NEK1: variants seen among roughly 807,000 people sequenced by gnomAD.
NEK1 encodes NIMA related kinase 1.
A neutral mutation model predicts 182.1 loss-of-function variants in NEK1; 137 were observed. That is an observed-to-expected ratio of 0.75 (90% confidence interval 0.65 to 0.87). The LOEUF (loss-of-function observed/expected upper bound fraction) is 0.87. Ranked by LOEUF, NEK1 falls within the 40% of genes least tolerant of loss-of-function variation. NEK1 has a pLI of 0.00. For synonymous variants in NEK1, 513 were observed against 492.2 expected, an observed-to-expected ratio of 1.04 and a Z score of -0.56; for missense variants, 1,391 against 1,494.4, an observed-to-expected ratio of 0.93 and a Z score of 1.14.
intron 23 of NEK1, among the ~76,000 whole-genome samples, chr4:169,495,210 T>C (rs1750955153): frequency 6.6e-6 from 1 of 151,492 alleles, no homozygotes; most frequent in Non-Finnish European, 1.5e-5. Context: ...CTTCTAGGGT[T>C]TTTATGGTTT....
chr4:169,470,543 C>T (rs1229103757), intron 26 of NEK1, among the ~76,000 whole-genome samples: 2 of 152,168 alleles, frequency 1.3e-5, no homozygotes, highest in African/African-American at 4.8e-5. Flanking sequence ...TCTTTGGCTG[C>T]CCTTAACATT....
Position 169,589,477 on chromosome 4 carries a change from C to T in NEK1, c.434G>A (p.Gly145Glu), listed in dbSNP as rs1768065857. ...AAGAACTCTAGCAATTCCAAAATCT[C>T]CAAGTTGTACTGTTCCATCTTTAGT... ...FLTKDGTVQL[G>E]DFGIARVLNS... Residue 145 changes from glycine (G) to glutamate (E), a missense_variant, in exon 7 of 36, where the codon GGA becomes GAA. Physicochemically the swap from Gly to Glu is moderately conservative, Grantham distance 98 (BLOSUM62 -2). Coordinates refer to ENST00000507142, the MANE Select transcript of NEK1 (RefSeq NM_001199397.3). 8.6e-6 allele frequency: 13 copies of T among 1,515,558 alleles called. No individual in the cohort carries two copies. Among genetic ancestry groups the T allele is most frequent in the Non-Finnish European group, 1.2e-5 (13 of 1,120,998 alleles). 93.9% of individuals were successfully genotyped at this position (1,515,558 alleles called of 1,614,324 possible).
At chr4:169,565,212 C>T (rs541811345) in intron 12 of NEK1, among the ~76,000 whole-genome samples, 39 of 152,220 alleles carry the variant, frequency 2.6e-4, no homozygotes, top group African/African-American at 8.4e-4. Context: ...TTTCTAAAGG[C>T]GACCCACAAT....
intron 2 of NEK1, among the ~76,000 whole-genome samples, chr4:169,610,765 G>T (rs773722018): frequency 5.9e-5 from 9 of 152,186 alleles, no homozygotes; most frequent in Non-Finnish European, 1.2e-4. Flanking sequence ...GCTCTCATCA[G>T]GTGTTTCAGA....
intron 18 of NEK1, among the ~76,000 whole-genome samples, chr4:169,552,780 C>T (rs1313429092): frequency 4.6e-5 from 7 of 151,980 alleles, no homozygotes; most frequent in Non-Finnish European, 1.0e-4. Context: ...CAATTGCTTT[C>T]CTATATATAA....
chr4:169,447,773 G>C (rs1187952952), intron 27 of NEK1, among the ~76,000 whole-genome samples: 2 of 152,110 alleles, frequency 1.3e-5, no homozygotes, highest in Non-Finnish European at 2.9e-5. Context: ...GGAGGCTGAG[G>C]CAGGAGAATC....
chr4:169,480,880 T>C (rs72691080), intron 23 of NEK1, among the ~76,000 whole-genome samples: 13,396 of 152,190 alleles, frequency 0.088, 769 homozygotes, highest in African/African-American at 0.16. Flanking sequence ...GCCCAGCCCA[T>C]GAAAATATTT....
chr4:169,454,166 T>C lies in NEK1; in HGVS notation c.2587+9077A>G, dbSNP rs1467294543. Among the ~76,000 whole-genome samples the C allele has an allele frequency of 4.6e-5, 7 of 152,184 alleles. No homozygotes were observed. In the South Asian group the frequency reaches 1.4e-3, roughly 32 times the overall value. On this transcript the variant is annotated intron_variant, in intron 27 of 35. Transcript: ENST00000507142. ...AACTGGATCCCTTCCTTACACCTTA[T>C]ACAAAAATTAATTCAAGATGGATTA...
intron 26 of NEK1, among the ~76,000 whole-genome samples, chr4:169,468,887 T>C (rs1309323239): frequency 1.3e-5 from 2 of 152,246 alleles, no homozygotes; most frequent in Non-Finnish European, 2.9e-5. Context: ...TTCTTCTAGA[T>C]TTACTAGTTT....
At chr4:169,405,390 G>T (rs1484884905) in intron 32 of NEK1, among the ~76,000 whole-genome samples, 2 of 152,056 alleles carry the variant, frequency 1.3e-5, no homozygotes, top group Non-Finnish European at 2.9e-5. Flanking sequence ...ATAAAAAATG[G>T]TAAACTTTAT....
rs1379839382 is a variant in NEK1 at position 169,394,267 on chromosome 4, GATTTAATAAAGTATAT to G, written c.*227_*242del. 1 of 350,402 alleles carries G rather than the reference GATTTAATAAAGTATAT, an allele frequency of 2.9e-6. No homozygotes were observed. Among genetic ancestry groups the G allele is most frequent in the East Asian group, 5.6e-5 (1 of 17,806 alleles). 21.7% of individuals were successfully genotyped at this position (350,402 alleles called of 1,614,324 possible). A position where few individuals can be genotyped will look rare whatever the true frequency, so the allele number is the denominator to read the frequency against. On this transcript the variant is annotated 3_prime_UTR_variant, in exon 36 of 36. Transcript: ENST00000507142. ...AATGTTTCCTATGCTTTGGTTGGAT[GATTTAATAAAGTATAT>G]ATTTTATGAGATTTAACCATGGAAT...
intron 18 of NEK1, among the ~76,000 whole-genome samples, chr4:169,540,457 C>A (rs4301072): frequency 6.6e-6 from 1 of 152,098 alleles, no homozygotes. Context: ...AACCCACATG[C>A]TTAGTCCTCT....
intron 35 of NEK1, among the ~76,000 whole-genome samples, chr4:169,398,440 G>A (rs1247222367): frequency 6.6e-6 from 1 of 152,084 alleles, no homozygotes; most frequent in Non-Finnish European, 1.5e-5. Context: ...AAGATCATGG[G>A]AAAATTGTTC....
chr4:169,547,618 T>C (rs1760730835), intron 18 of NEK1, among the ~76,000 whole-genome samples: 1 of 152,180 alleles, frequency 6.6e-6, no homozygotes. Flanking sequence ...ACCAAACAAA[T>C]GTAGATTTGG....
intron 19 of NEK1, among the ~76,000 whole-genome samples, chr4:169,529,612 A>C (rs1002598867): frequency 7.9e-5 from 12 of 152,196 alleles, no homozygotes; most frequent in Non-Finnish European, 1.3e-4. Flanking sequence ...TCCTCTGCAA[A>C]AGATTCTGTT....
chr4:169,542,384 T>C (rs986973669), intron 18 of NEK1, among the ~76,000 whole-genome samples: 1 of 152,238 alleles, frequency 6.6e-6, no homozygotes, highest in Non-Finnish European at 1.5e-5. Context: ...TGCCACACTT[T>C]CTTTATCCAG....
intron 4 of NEK1, 36 bp downstream of exon 4, chr4:169,601,970 CTT>C (rs774389482): frequency 1.1e-5 from 15 of 1,418,396 alleles, no homozygotes; most frequent in Non-Finnish European, 1.4e-5. Flanking sequence ...TTATTAATGT[CTT>C]AGGATTTTTT....
intron 11 of NEK1, among the ~76,000 whole-genome samples, chr4:169,578,722 T>C (rs920219298): frequency 1.2e-4 from 18 of 152,312 alleles, no homozygotes; most frequent in African/African-American, 3.1e-4. Flanking sequence ...ATTTTGCATA[T>C]AATTTAGTAA....
At chr4:169,594,614 C>T (rs1023617541) in intron 5 of NEK1, among the ~76,000 whole-genome samples, 7 of 152,136 alleles carry the variant, frequency 4.6e-5, no homozygotes, top group African/African-American at 1.7e-4. Context: ...CCTTCATCTA[C>T]ATTTTACAAT....
Sources: gnomAD v4.1 joint callset for allele counts (sites outside exome capture counted in the v4.1 genomes callset) on GRCh38, gnomAD v4.1.1 for gene constraint, MANE v1.5 for transcripts, NCBI Gene and HGNC (gene_info 2026-07-23, HGNC 2026-07-21) for gene names.